The following DIP2C variants were observed in gnomAD, a reference collection of about 807,000 sequenced individuals.
DIP2C encodes disco-interacting protein 2 homolog C.
Under a neutral mutation model 192.4 loss-of-function variants are expected in DIP2C, and 33 were observed. The observed-to-expected ratio is 0.17, with a 90% confidence interval of 0.13 to 0.23. The LOEUF (loss-of-function observed/expected upper bound fraction) is 0.23, where lower values mean the gene tolerates loss of function less well. DIP2C is among the 10% of genes least tolerant of loss of function. The pLI is 1.00. For missense variants in DIP2C, 1,537 were observed against 2,110.1 expected, an observed-to-expected ratio of 0.73 and a Z score of 5.32; for synonymous variants, 979 against 864.1, an observed-to-expected ratio of 1.13 and a Z score of -2.33.
In DIP2C at chr10:364,559, C is replaced by T; in HGVS notation, c.2292G>A (p.Gly764=). Residue 764 remains glycine, a synonymous_variant, in exon 20 of 37, where the codon GGG becomes GGA. Coordinates refer to ENST00000280886, the MANE Select transcript of DIP2C (RefSeq NM_014974.3). The part of the protein sequence containing the change: ...TFEVFPMTSS[G]APISEYPFIR... ...TGAATGGGTATTCACTGATCGGAGC[C>T]CCGGAGCTTGTCATGGGAAACACCT... The T allele has an allele frequency of 6.2e-7, 1 of 1,614,008 alleles. No individual in the cohort carries two copies. Among genetic ancestry groups the T allele is most frequent in the Non-Finnish European group, 8.5e-7 (1 of 1,179,920 alleles).
Position 276,081 on chromosome 10 carries a change from A to C in DIP2C, c.*1244T>G, listed in dbSNP as rs981751555. ...CGCATTCCTTTTCGTAGCAAGGACC[A>C]AAAAAAGATGACATTAACAAAAATG... On this transcript the variant is annotated 3_prime_UTR_variant, in exon 37 of 37. Coordinates refer to ENST00000280886, the MANE Select transcript of DIP2C (RefSeq NM_014974.3). 2.0e-5 allele frequency: 3 copies of C among 152,546 alleles called. No homozygotes were observed. Among genetic ancestry groups the C allele is most frequent in the African/African-American group, 7.2e-5 (3 of 41,456 alleles). 9.4% of individuals were successfully genotyped at this position (152,546 alleles called of 1,614,324 possible). A position where few individuals can be genotyped will look rare whatever the true frequency, so the allele number is the denominator to read the frequency against.
intron 1 of DIP2C, among the ~76,000 whole-genome samples, chr10:621,571 A>AG (rs1853854240): frequency 6.6e-6 from 1 of 152,202 alleles, no homozygotes; most frequent in Non-Finnish European, 1.5e-5. Flanking sequence ...ACAGAGAGGA[A>AG]GAGGAGGAGG....
At chr10:590,530 A>G (rs1851337618) in intron 1 of DIP2C, among the ~76,000 whole-genome samples, 2 of 152,202 alleles carry the variant, frequency 1.3e-5, no homozygotes, top group Admixed American at 6.5e-5. Flanking sequence ...CAGGTGTTTC[A>G]TCAACGATGC....
At chr10:365,982 G>A (rs750014439) in intron 19 of DIP2C, among the ~76,000 whole-genome samples, 7 of 152,230 alleles carry the variant, frequency 4.6e-5, no homozygotes, top group African/African-American at 1.2e-4. Context: ...ACGCACACAA[G>A]TGCACGTTCA....
chr10:570,954 A>G (rs1849757592), intron 1 of DIP2C, among the ~76,000 whole-genome samples: 1 of 152,210 alleles, frequency 6.6e-6, no homozygotes. Flanking sequence ...TTATTCTTCC[A>G]GCGCACGACT....
chr10:326,448 C>T lies in DIP2C; in HGVS notation c.3924+558G>A, dbSNP rs111987872. On this transcript the variant is annotated intron_variant, in intron 31 of 36. Transcript: ENST00000280886. ...CAACCGTTTGCCTCACCAGCACCTG[C>T]TGAGAGGGAAGCCCTTATTCTTCCA... 1.3e-3 allele frequency among the ~76,000 whole-genome samples: 204 copies of T among 152,304 alleles called. 1 individual carries two copies. In the South Asian group the frequency reaches 0.015, roughly 11 times the overall value.
chr10:487,226 G>GCACA (rs1198526258), intron 1 of DIP2C, among the ~76,000 whole-genome samples: 4 of 152,184 alleles, frequency 2.6e-5, no homozygotes, highest in Non-Finnish European at 5.9e-5. Flanking sequence ...ACAAGCTCCA[G>GCACA]CACACACAGA....
intron 32 of DIP2C, among the ~76,000 whole-genome samples, chr10:301,620 T>C (rs183356483): frequency 1.3e-5 from 2 of 152,328 alleles, no homozygotes; most frequent in East Asian, 3.9e-4. Flanking sequence ...CTCTGGGATA[T>C]GGATGGTAAT....
At chr10:345,646 G>A (rs1217960297) in intron 26 of DIP2C, among the ~76,000 whole-genome samples, 9 of 97,684 alleles carry the variant, frequency 9.2e-5, no homozygotes, top group East Asian at 3.1e-4. Context: ...TAGTTCTCCC[G>A]GGAACCCTAC....
In DIP2C at chr10:319,492, A is replaced by G. The variant is rs548987929; in HGVS notation, c.3924+7514T>C. Among the ~76,000 whole-genome samples, 155 of 152,206 alleles carry G rather than the reference A, an allele frequency of 1.0e-3. 5 individuals carry two copies. Among genetic ancestry groups the G allele is most frequent in the South Asian group, 1.3e-3 (6 of 4,784 alleles). ...TGTTTTTCTTCCCTGCTTCTACTAG[A>G]AGGAGGATGCAATTTTTCTGTTACA... is the stretch of plus-strand genomic sequence containing the variant. On this transcript the variant is annotated intron_variant, in intron 31 of 36. Transcript: ENST00000280886.
intron 5 of DIP2C, among the ~76,000 whole-genome samples, chr10:422,209 C>T (rs1966238347): frequency 6.6e-6 from 1 of 152,204 alleles, no homozygotes; most frequent in African/African-American, 2.4e-5. Context: ...TGATGAAAAA[C>T]ATTTACTACT....
At chr10:366,954 C>G (rs1197752622) in intron 18 of DIP2C, among the ~76,000 whole-genome samples, 1 of 152,188 alleles carries the variant, frequency 6.6e-6, no homozygotes, top group Admixed American at 6.5e-5. Context: ...CCTACATACC[C>G]CCCAACTGCA....
rs1413278906 is a variant in DIP2C at position 367,957 on chromosome 10, C to T, written c.2131+1537G>A. ...CGCGGTTGCTCTCACTGCCGCACAG[C>T]CCCAGGTGCCTCCGACGGGGGCCCG... On this transcript the variant is annotated intron_variant, in intron 18 of 36. Coordinates refer to ENST00000280886, the MANE Select transcript of DIP2C (RefSeq NM_014974.3). Among the ~76,000 whole-genome samples the T allele has an allele frequency of 1.8e-3, 236 of 129,308 alleles. 2 individuals carry two copies. Among genetic ancestry groups the T allele is most frequent in the African/African-American group, 5.9e-3 (198 of 33,564 alleles). The allele number at this position is 129,308 out of a possible 152,430, so 84.8% of individuals were successfully genotyped here. A position where few individuals can be genotyped will look rare whatever the true frequency, so the allele number is the denominator to read the frequency against.
chr10:480,056 C>T (rs990296975), intron 2 of DIP2C, among the ~76,000 whole-genome samples: 15 of 146,130 alleles, frequency 1.0e-4, no homozygotes, highest in East Asian at 4.2e-4. Context: ...ACCCGGTTCA[C>T]GCTCACTGGA....
intron 1 of DIP2C, among the ~76,000 whole-genome samples, chr10:617,896 A>C (rs989320562): frequency 5.3e-5 from 8 of 151,046 alleles, no homozygotes; most frequent in African/African-American, 7.4e-5. Flanking sequence ...TATTGCACTA[A>C]TACCTCGTTT....
intron 3 of DIP2C, among the ~76,000 whole-genome samples, chr10:452,340 C>G (rs1968918627): frequency 6.6e-6 from 1 of 152,172 alleles, no homozygotes; most frequent in South Asian, 2.1e-4. Context: ...GGGGTCTTCT[C>G]AGTGCAGACC....
At chr10:615,162 G>A (rs1853369256) in intron 1 of DIP2C, among the ~76,000 whole-genome samples, 1 of 152,246 alleles carries the variant, frequency 6.6e-6, no homozygotes, top group Non-Finnish European at 1.5e-5. Context: ...AGAGACACAG[G>A]CTTCACTGTG....
chr10:283,895 C>T (rs1954965122), intron 34 of DIP2C, among the ~76,000 whole-genome samples: 1 of 152,120 alleles, frequency 6.6e-6, no homozygotes, highest in African/African-American at 2.4e-5. Context: ...AAACAACACA[C>T]AGAAAAACAA....
intron 17 of DIP2C, among the ~76,000 whole-genome samples, chr10:372,887 CCTTAA>C (rs1961161454): frequency 1.3e-5 from 2 of 152,246 alleles, no homozygotes; most frequent in South Asian, 4.1e-4. Flanking sequence ...TGGGGCCACC[CCTTAA>C]CTTCTGACCT....
Sources: gnomAD v4.1 joint callset for allele counts (sites outside exome capture counted in the v4.1 genomes callset) on GRCh38, gnomAD v4.1.1 for gene constraint, MANE v1.5 for transcripts, NCBI Gene and HGNC (gene_info 2026-07-23, HGNC 2026-07-21) for gene names.